Variants in FRMD4B observed in about 807,000 individuals in gnomAD.
The protein encoded by FRMD4B is FERM domain-containing protein 4B.
A neutral mutation model predicts 141.5 loss-of-function variants in FRMD4B; 74 were observed. The ratio of observed to expected loss-of-function variants is 0.52; its 90% CI spans 0.43 to 0.63. The LOEUF (loss-of-function observed/expected upper bound fraction) is 0.63, where lower values mean the gene tolerates loss of function less well. Ranked by LOEUF, FRMD4B falls within the 30% of genes least tolerant of loss-of-function variation. The pLI, the probability that FRMD4B is intolerant of heterozygous loss-of-function variation, is 0.00. For synonymous variants in FRMD4B, 506 were observed against 467.9 expected (o/e 1.08, Z -1.05); for missense variants, 1,366 against 1,253.4 (o/e 1.09, Z -1.36).
intron 3 of FRMD4B, among the ~76,000 whole-genome samples, chr3:69,307,463 C>T (rs1435138051): frequency 2.0e-5 from 3 of 152,010 alleles, no homozygotes; most frequent in Non-Finnish European, 4.4e-5. Context: ...GCCTCAGGTG[C>T]CTGAGTAGCT....
chr3:69,348,683 T>C (rs1224291777), intron 1 of FRMD4B, among the ~76,000 whole-genome samples: 1 of 152,092 alleles, frequency 6.6e-6, no homozygotes, highest in Non-Finnish European at 1.5e-5. Context: ...GTACAACATA[T>C]GCAAATCAAT....
intron 4 of FRMD4B, among the ~76,000 whole-genome samples, chr3:69,288,193 G>T (rs1348284309): frequency 6.6e-6 from 1 of 152,242 alleles, no homozygotes; most frequent in South Asian, 2.1e-4. Flanking sequence ...AAGCGCAGAT[G>T]AACTAGGAGT....
intron 2 of FRMD4B, among the ~76,000 whole-genome samples, chr3:69,402,014 G>T (rs1335180598): frequency 6.6e-6 from 1 of 152,140 alleles, no homozygotes; most frequent in East Asian, 1.9e-4. Context: ...ATTCTTGTGG[G>T]ATCTTATACA....
chr3:69,250,281 C>CTGTGTGTGTGTG, intron 5 of FRMD4B, 182 bp from the exon 6 acceptor site: 1 of 511,724 alleles, frequency 2.0e-6, no homozygotes, highest in Admixed American at 3.7e-5. Flanking sequence ...GGCGAAACCA[C>CTGTGTGTGTGTG]TGTGTGTGCG....
At chr3:69,279,761 T>C (rs2093635844) in intron 5 of FRMD4B, among the ~76,000 whole-genome samples, 4 of 89,694 alleles carry the variant, frequency 4.5e-5, no homozygotes, top group African/African-American at 9.5e-5. Context: ...CCCCTCCTCC[T>C]TCTCCTCCTC....
intron 1 of FRMD4B, among the ~76,000 whole-genome samples, chr3:69,345,945 G>A (rs1017655092): frequency 1.8e-4 from 28 of 152,264 alleles, no homozygotes; most frequent in African/African-American, 4.6e-4. Context: ...CCAAAGGAAC[G>A]CAGCTACTTG....
intron 1 of FRMD4B, among the ~76,000 whole-genome samples, chr3:69,367,233 G>A (rs1189115296): frequency 3.9e-5 from 6 of 152,146 alleles, no homozygotes; most frequent in African/African-American, 1.2e-4. Context: ...TTACAAAATT[G>A]TAAAAATATT....
In FRMD4B at chr3:69,526,330, T is replaced by C. The variant is rs536908166; in HGVS notation, c.-129+15876A>G. On this transcript the variant is annotated intron_variant, in intron 1 of 5. Transcript: ENST00000459638. ...CTAATAGCTTACAGTGGTAGTTGAA[T>C]TGATAACACACTTTTTCAGGGGCTG... 7.9e-5 allele frequency among the ~76,000 whole-genome samples: 12 copies of C among 152,312 alleles called. No homozygotes were observed. The East Asian group carries it at 2.3e-3, about 29-fold the overall frequency.
chr3:69,376,834 G>A (rs1703983788), intron 1 of FRMD4B: 1 of 151,976 alleles, frequency 6.6e-6, no homozygotes, highest in Non-Finnish European at 1.5e-5. Flanking sequence ...TTCCTCATTT[G>A]AGTCATTCAG....
intron 1 of FRMD4B, 61 bp downstream of exon 1, chr3:69,385,767 T>G: frequency 7.2e-7 from 1 of 1,390,214 alleles, no homozygotes; most frequent in Non-Finnish European, 9.6e-7. Context: ...AGGTGGAGCC[T>G]GCTTCCCACG....
At chr3:69,454,829 C>T (rs1369261043) in intron 1 of FRMD4B, among the ~76,000 whole-genome samples, 2 of 152,250 alleles carry the variant, frequency 1.3e-5, no homozygotes, top group Non-Finnish European at 2.9e-5. Context: ...CCATGCAGGA[C>T]TGGCGGGCAC....
At chr3:69,507,852 G>GA (rs1706624513) in intron 1 of FRMD4B, among the ~76,000 whole-genome samples, 1 of 150,904 alleles carries the variant, frequency 6.6e-6, no homozygotes, top group Non-Finnish European at 1.5e-5. Context: ...GGAAAAATAG[G>GA]TTTTTTTTTC....
intron 1 of FRMD4B, among the ~76,000 whole-genome samples, chr3:69,494,967 G>A (rs1038900847): frequency 2.7e-5 from 4 of 150,928 alleles, no homozygotes; most frequent in Non-Finnish European, 3.0e-5. Flanking sequence ...TGGAGGGGAA[G>A]GAAAGGAAGG....
chr3:69,372,077 A>G (rs1703841396), intron 1 of FRMD4B, among the ~76,000 whole-genome samples: 1 of 152,088 alleles, frequency 6.6e-6, no homozygotes. Flanking sequence ...CTCCATTCCT[A>G]CAACATCCTA....
chr3:69,249,365 T>A, intron 6 of FRMD4B, 117 bp from the exon 7 acceptor site: 1 of 671,798 alleles, frequency 1.5e-6, no homozygotes, highest in Middle Eastern at 2.5e-4. Context: ...GAAGAGTGTT[T>A]CTCAGGAATG....
At chr3:69,417,085 C>T (rs1575794996) in intron 2 of FRMD4B, among the ~76,000 whole-genome samples, 7 of 152,060 alleles carry the variant, frequency 4.6e-5, no homozygotes, top group Admixed American at 4.6e-4. Context: ...GATTGCTGGA[C>T]CAAATGGTGT....
chr3:69,304,392 G>A (rs1194017409), intron 3 of FRMD4B, among the ~76,000 whole-genome samples: 2 of 149,720 alleles, frequency 1.3e-5, no homozygotes, highest in Non-Finnish European at 3.0e-5. Context: ...GCTGAGGCAG[G>A]AGAATCACTT....
chr3:69,477,196 T>A (rs1244876404), intron 1 of FRMD4B, among the ~76,000 whole-genome samples: 1 of 148,770 alleles, frequency 6.7e-6, no homozygotes, highest in Non-Finnish European at 1.5e-5. Flanking sequence ...TACCCTTTAT[T>A]TCCTTCTCCT....
At chr3:69,534,284 A>G (rs1049229475) in intron 1 of FRMD4B, among the ~76,000 whole-genome samples, 2 of 152,350 alleles carry the variant, frequency 1.3e-5, no homozygotes, top group Middle Eastern at 3.4e-3. Flanking sequence ...AAGCAATACT[A>G]TTCAATCAGC....
Sources: gnomAD v4.1 joint callset for allele counts (sites outside exome capture counted in the v4.1 genomes callset) on GRCh38, gnomAD v4.1.1 for gene constraint, MANE v1.5 for transcripts, NCBI Gene and HGNC (gene_info 2026-07-23, HGNC 2026-07-21) for gene names.